The following CCNDBP1 variants were observed in gnomAD, a reference collection of about 807,000 sequenced individuals.
The protein encoded by CCNDBP1 is cyclin D1 binding protein 1, also known as cyclin-D1-binding protein 1.
In CCNDBP1, 45 loss-of-function variants were observed where a neutral mutation model predicts 46.2. The observed-to-expected ratio is 0.97, with a 90% CI of 0.77 to 1.25. The LOEUF is 1.25. CCNDBP1 is among the 50% of genes most tolerant of loss of function. The probability of loss-of-function intolerance (pLI) is 0.00; values close to 1 mark genes in which losing one functional copy is unlikely to be tolerated. For missense variants in CCNDBP1, 436 were observed against 442.1 expected (o/e 0.99, Z 0.12); for synonymous variants, 154 against 163.6 (o/e 0.94, Z 0.45).
rs1401489770 is a variant in CCNDBP1, at chr15:43,196,318, C to T, written c.*1477C>T. Reference sequence around the variant, plus strand: ...TTTTTTTTTTTGAGATGGAGTCTTGCTCTGTCCCCCAAGCTGGAGTGCAGT... The same window carrying T: ...TTTTTTTTTTTGAGATGGAGTCTTGTTCTGTCCCCCAAGCTGGAGTGCAGT... On this transcript the variant is annotated 3_prime_UTR_variant, in exon 11 of 11. Coordinates refer to ENST00000300213, the MANE Select transcript of CCNDBP1 (RefSeq NM_012142.5). 1.7e-5 allele frequency: 2 copies of T among 115,728 alleles called. No individual in the cohort carries two copies. The highest frequency in any genetic ancestry group is 6.6e-5 in the African/African-American group (2 of 30,230). 7.2% of individuals were successfully genotyped at this position (115,728 alleles called of 1,614,324 possible). A position where few individuals can be genotyped will look rare whatever the true frequency, so the allele number is the denominator to read the frequency against.
Position 43,191,650 on chromosome 15 carries a change from G to A in CCNDBP1, c.835G>A (p.Asp279Asn). Reference protein sequence around the residue: ...DQVAQLDDIVDISDEISPSVD... With the variant: ...DQVAQLDDIVNISDEISPSVD... ...GGTGGCACAGCTGGATGACATTGTG[G>A]ATATTTCTGATGAAATCAGCCCTAG... Residue 279 changes from aspartate (D) to asparagine (N), a missense_variant, in exon 8 of 11, where the codon GAT (aspartate) becomes AAT (asparagine). Asp to Asn is a conservative substitution (Grantham distance 23, BLOSUM62 1). Coordinates refer to ENST00000300213, the MANE Select transcript of CCNDBP1 (RefSeq NM_012142.5). The A allele has an allele frequency of 6.2e-7, 1 of 1,607,712 alleles. No homozygotes were observed. Among genetic ancestry groups the A allele is most frequent in the Non-Finnish European group, 8.5e-7 (1 of 1,179,980 alleles).
In CCNDBP1 at chr15:43,195,872, T is replaced by C. The variant is rs2042032291; in HGVS notation, c.*1031T>C. The C allele has an allele frequency of 6.6e-6, 1 of 152,194 alleles. No homozygotes were observed. Among genetic ancestry groups the C allele is most frequent in the African/African-American group, 2.4e-5 (1 of 41,446 alleles). The allele number at this position is 152,194 out of a possible 1,614,324, so 9.4% of individuals were successfully genotyped here. On this transcript the variant is annotated 3_prime_UTR_variant, in exon 11 of 11. Coordinates refer to ENST00000300213, the MANE Select transcript of CCNDBP1 (RefSeq NM_012142.5). ...ATTCTTTGAGTGACTAATGTATACT[T>C]GGGGTTGGGGTTGAAATTCCTTAAG...
rs1465206020 is a variant in CCNDBP1 at position 43,194,876 on chromosome 15, A to C, written c.*35A>C. On this transcript the variant is annotated 3_prime_UTR_variant, in exon 11 of 11. Coordinates refer to ENST00000300213, the MANE Select transcript of CCNDBP1 (RefSeq NM_012142.5). ...CTCATTTGTACTCTCTTCCCCTCTC[A>C]TCGTCATGGTCAGGCTCTGATACCT... The C allele has an allele frequency of 1.4e-5, 18 of 1,314,906 alleles. No individual in the cohort carries two copies. The highest frequency in any genetic ancestry group is 1.9e-5 in the Non-Finnish European group (17 of 909,390). 81.5% of individuals were successfully genotyped at this position (1,314,906 alleles called of 1,614,324 possible). A position where few individuals can be genotyped will look rare whatever the true frequency, so the allele number is the denominator to read the frequency against.
In CCNDBP1 at chr15:43,197,106, C is replaced by G; in HGVS notation, c.*2265C>G. 1.4e-6 allele frequency: 1 copy of G among 692,776 alleles called. No homozygotes were observed. Among genetic ancestry groups the G allele is most frequent in the South Asian group, 1.8e-5 (1 of 55,454 alleles). 42.9% of individuals were successfully genotyped at this position (692,776 alleles called of 1,614,324 possible). ...CATCTTCCTGCATAAGTGGAAGCAG[C>G]CTGAAGCCCTCACTGTTTCTTGTAC... On this transcript the variant is annotated 3_prime_UTR_variant, in exon 11 of 11. Transcript: ENST00000300213.
chr15:43,190,357 GTGTC>G lies in CCNDBP1; in HGVS notation c.464_467del (p.Val155GlyfsTer20). On this transcript the variant is annotated frameshift_variant, in exon 6 of 11. Coordinates refer to ENST00000300213, the MANE Select transcript of CCNDBP1 (RefSeq NM_012142.5). LOFTEE classifies it high-confidence loss of function. ...AACAATGACCTTATTTCCTACAACA[GTGTC>G]TGGGTTGCGTGCCAGCAGATGCCTC... 1 of 1,614,160 alleles carries G rather than the reference GTGTC, an allele frequency of 6.2e-7. No homozygotes were observed. The highest frequency in any genetic ancestry group is 2.2e-5 in the East Asian group (1 of 44,892).
rs1458388121 is a variant in CCNDBP1, at chr15:43,196,265, A to G, written c.*1424A>G. The G allele has an allele frequency of 1.3e-5, 2 of 148,954 alleles. No individual in the cohort carries two copies. The highest frequency in any genetic ancestry group is 4.9e-5 in the African/African-American group (2 of 40,546). 9.2% of individuals were successfully genotyped at this position (148,954 alleles called of 1,614,324 possible). ...TTTAAGGATAATGATCAGGGAAAGC[A>G]CTGATCAATGTAATTTTTTTTTTTT... On this transcript the variant is annotated 3_prime_UTR_variant, in exon 11 of 11. Transcript: ENST00000300213.
At chr15:43,187,672 C>T (rs1287861770) in intron 3 of CCNDBP1, among the ~76,000 whole-genome samples, 1 of 152,034 alleles carries the variant, frequency 6.6e-6, no homozygotes, top group East Asian at 1.9e-4. Context: ...TTAATATTAC[C>T]TTATTTTTCT....
In CCNDBP1 at chr15:43,194,975, T is replaced by C; in HGVS notation, c.*134T>C. ...ATCTATATTTAGCAAGAGACACTAT[T>C]ACCAAAGATTGTTGGTTAGGCCAGA... is the stretch of plus-strand genomic sequence containing the variant. On this transcript the variant is annotated 3_prime_UTR_variant, in exon 11 of 11. Coordinates refer to ENST00000300213, the MANE Select transcript of CCNDBP1 (RefSeq NM_012142.5). 1 of 588,220 alleles carries C rather than the reference T, an allele frequency of 1.7e-6. No individual in the cohort carries two copies. The allele number at this position is 588,220 out of a possible 1,614,324, so 36.4% of individuals were successfully genotyped here.
chr15:43,194,700 C>A, intron 10 of CCNDBP1, 27 bp from the exon 11 acceptor site: 1 of 1,520,152 alleles, frequency 6.6e-7, no homozygotes, highest in Non-Finnish European at 9.1e-7. Context: ...ATAAGTTTAA[C>A]TTACTTCTTT....
At chr15:43,185,659 G>A (rs867828089) in intron 1 of CCNDBP1, 52 bp downstream of exon 1, 1 of 1,403,096 alleles carries the variant, frequency 7.1e-7, no homozygotes, top group Non-Finnish European at 9.6e-7. Flanking sequence ...TCGGGGTCGG[G>A]GAGAGGCCGG....
rs1402371594 is a variant in CCNDBP1, at chr15:43,192,291, TTAAG to T, written c.861-450_861-447del. Among the ~76,000 whole-genome samples, 10 of 152,352 alleles carry T rather than the reference TTAAG, an allele frequency of 6.6e-5. No homozygotes were observed. The South Asian group carries it at 1.7e-3, about 25-fold the overall frequency. ...TCATTTTTGCAAGAATATCATATAA[TTAAG>T]TGTTTTGTACATCTCATTTTATCAT... On this transcript the variant is annotated intron_variant, in intron 8 of 10. Coordinates refer to ENST00000300213, the MANE Select transcript of CCNDBP1 (RefSeq NM_012142.5).
chr15:43,191,341 GC>G lies in CCNDBP1; in HGVS notation c.580-52del, dbSNP rs375644823. The G allele has an allele frequency of 1.4e-4, 166 of 1,165,464 alleles. No homozygotes were observed. The African/African-American group carries it at 2.0e-3, about 14-fold the overall frequency. The allele number at this position is 1,165,464 out of a possible 1,614,324, so 72.2% of individuals were successfully genotyped here. On this transcript the variant is annotated intron_variant, in intron 7 of 10. Coordinates refer to ENST00000300213, the MANE Select transcript of CCNDBP1 (RefSeq NM_012142.5). Reference sequence around the variant, plus strand: ...TGGTAAAAGTATAATAATAGGCCTCGCCTTTTTTTTTTTTTTTTTTTTTTGC... The same window carrying G: ...TGGTAAAAGTATAATAATAGGCCTCGCTTTTTTTTTTTTTTTTTTTTTTGC...
rs374288885 is a variant in CCNDBP1 at position 43,194,875 on chromosome 15, C to T, written c.*34C>T. The stretch of plus-strand genomic sequence containing the variant: ...GCTCATTTGTACTCTCTTCCCCTCT[C>T]ATCGTCATGGTCAGGCTCTGATACC... On this transcript the variant is annotated 3_prime_UTR_variant, in exon 11 of 11. Coordinates refer to ENST00000300213, the MANE Select transcript of CCNDBP1 (RefSeq NM_012142.5). 2.2e-4 allele frequency: 296 copies of T among 1,334,234 alleles called. No homozygotes were observed. The highest frequency in any genetic ancestry group is 3.6e-4 in the Middle Eastern group (2 of 5,574). 82.6% of individuals were successfully genotyped at this position (1,334,234 alleles called of 1,614,324 possible).
chr15:43,194,908 A>G lies in CCNDBP1; in HGVS notation c.*67A>G, dbSNP rs2042019962. ...TGGTCAGGCTCTGATACCTGCTTTT[A>G]AAATGGAGCTAGAATGCTTGCTGGA... On this transcript the variant is annotated 3_prime_UTR_variant, in exon 11 of 11. Transcript: ENST00000300213. The G allele has an allele frequency of 1.0e-6, 1 of 966,408 alleles. No individual in the cohort carries two copies. Among genetic ancestry groups the G allele is most frequent in the Admixed American group, 1.9e-5 (1 of 52,816 alleles). 59.9% of individuals were successfully genotyped at this position (966,408 alleles called of 1,614,324 possible). A position where few individuals can be genotyped will look rare whatever the true frequency, so the allele number is the denominator to read the frequency against.
rs1221073409 is a variant in CCNDBP1 at position 43,185,418 on chromosome 15, C to T, written c.-81C>T. 6 of 1,123,160 alleles carry T rather than the reference C, an allele frequency of 5.3e-6. No individual in the cohort carries two copies. The highest frequency in any genetic ancestry group is 6.5e-6 in the Non-Finnish European group (5 of 770,274). 69.6% of individuals were successfully genotyped at this position (1,123,160 alleles called of 1,614,324 possible). ...GAAACGAGCCCTTGACGCTGTGGCCCGGAAGTGGAGCGGCTGTCGCAGTGC... is the reference window on the plus strand; with the variant it reads ...GAAACGAGCCCTTGACGCTGTGGCCTGGAAGTGGAGCGGCTGTCGCAGTGC... On this transcript the variant is annotated 5_prime_UTR_variant, in exon 1 of 11. Coordinates refer to ENST00000300213, the MANE Select transcript of CCNDBP1 (RefSeq NM_012142.5).
At chr15:43,194,046 CTTT>C (rs748207621) in intron 9 of CCNDBP1, 296 of 50,010 alleles carry the variant, frequency 5.9e-3, no homozygotes, top group Non-Finnish European at 8.1e-3. Flanking sequence ...TCTTAATGCG[CTTT>C]TTTTTTTTTT....
Position 43,191,460 on chromosome 15 carries a change from C to G in CCNDBP1, c.645C>G (p.Asn215Lys). 6.2e-7 allele frequency: 1 copy of G among 1,610,720 alleles called. No homozygotes were observed. Among genetic ancestry groups the G allele is most frequent in the Non-Finnish European group, 8.5e-7 (1 of 1,178,664 alleles). ...ATACTGAGGAGAACAACTCTGACAA[C>G]CACAATCATGAGGATGATGTGTTGG... ...LNDTEENNSD[N>K]HNHEDDVLGF... Residue 215 changes from asparagine to lysine, a missense_variant, in exon 8 of 11, where the codon AAC (asparagine) becomes AAG (lysine). By Grantham distance (94) the Asn-to-Lys change is moderately conservative. Transcript: ENST00000300213.
At position 43,196,180 on chromosome 15, in the gene CCNDBP1, C is replaced by G. The variant is rs1207701065; in HGVS notation, c.*1339C>G. The G allele has an allele frequency of 6.6e-6, 1 of 151,798 alleles. No individual in the cohort carries two copies. Among genetic ancestry groups the G allele is most frequent in the African/African-American group, 2.4e-5 (1 of 41,282 alleles). The allele number at this position is 151,798 out of a possible 1,614,324, so 9.4% of individuals were successfully genotyped here. ...AGAACTCTAATATAAAGACTTACCT[C>G]TAGCTGAATTATTCTCTCAGGTCCT... On this transcript the variant is annotated 3_prime_UTR_variant, in exon 11 of 11. Transcript: ENST00000300213.
At chr15:43,194,309 G>A in intron 9 of CCNDBP1, 106 bp from the exon 10 acceptor site, 1 of 863,942 alleles carries the variant, frequency 1.2e-6, no homozygotes, top group South Asian at 2.3e-5. Context: ...CTTCCTTCAG[G>A]TCCTTTTTCT....
Sources: allele counts gnomAD v4.1 joint callset (sites outside exome capture counted in the v4.1 genomes callset), GRCh38; gene constraint gnomAD v4.1.1; transcripts MANE v1.5; gene names NCBI Gene and HGNC (gene_info 2026-07-23, HGNC 2026-07-21).